The following XRCC1 variants were observed in gnomAD, a reference collection of about 807,000 sequenced individuals.
The protein encoded by XRCC1 is X-ray repair cross complementing 1, also known as DNA repair protein XRCC1.
Under a neutral mutation model 83.3 loss-of-function variants are expected in XRCC1, and 52 were observed. The observed-to-expected ratio is 0.62, with a 90% CI of 0.50 to 0.79. XRCC1 has a LOEUF of 0.79. Among genes scored for constraint, XRCC1 ranks in the 30% least tolerant of loss-of-function variants. The pLI is 0.00. For missense variants in XRCC1, 793 were observed against 823.5 expected (o/e 0.96, Z 0.45); for synonymous variants, 281 against 312.6 (o/e 0.90, Z 1.07).
At chr19:43,559,929 A>T (rs1972679731) in intron 3 of XRCC1, among the ~76,000 whole-genome samples, 3 of 151,850 alleles carry the variant, frequency 2.0e-5, no homozygotes, top group African/African-American at 7.3e-5. Flanking sequence ...AAAATAACAA[A>T]AGCTAGCCAG....
chr19:43,546,852 C>CA, intron 11 of XRCC1, 32 bp downstream of exon 11: 1 of 1,611,410 alleles, frequency 6.2e-7, no homozygotes, highest in Non-Finnish European at 8.5e-7. Flanking sequence ...CCTCCCACTA[C>CA]ACCCTCCCCC....
At position 43,545,870 on chromosome 19, in the gene XRCC1, C is replaced by G. The variant is rs374398701; in HGVS notation, c.1569G>C (p.Thr523=). 2.5e-5 allele frequency: 41 copies of G among 1,613,062 alleles called. No individual in the cohort carries two copies. Among genetic ancestry groups the G allele is most frequent in the Non-Finnish European group, 3.2e-5 (38 of 1,179,240 alleles). ...GAGGCTCCTGGTGTTCCTCACTGTC[C>G]GTGTTCTCATCCGTGGAGCCTGCAT... ...DPYAGSTDEN[T]DSEEHQEPPD... is the part of the protein sequence containing the mutation. The change falls in exon 14 of 17, where the codon ACG becomes ACC. Residue 523 remains threonine, a synonymous_variant. Coordinates refer to ENST00000262887, the MANE Select transcript of XRCC1 (RefSeq NM_006297.3).
In XRCC1 at chr19:43,553,455, T is replaced by G; in HGVS notation, c.547A>C (p.Asn183His). ...FRVKEEDESA[N>H]SLRPGALFFS... ...AAGAGAGCCCCCGGCCTCAGAGAGT[T>G]GGCGCTCTCATCCTCCTCCTTCACA... Residue 183 changes from asparagine (N) to histidine (H), a missense_variant, in exon 6 of 17, where the codon AAC (asparagine) becomes CAC (histidine). Asn to His is a moderately conservative substitution (Grantham distance 68). Coordinates refer to ENST00000262887, the MANE Select transcript of XRCC1 (RefSeq NM_006297.3). 6.2e-7 allele frequency: 1 copy of G among 1,614,150 alleles called. No homozygotes were observed.
At chr19:43,545,379 G>C (rs3213391) in intron 14 of XRCC1, among the ~76,000 whole-genome samples, 17,952 of 152,264 alleles carry the variant, frequency 0.12, 1,442 homozygotes, top group Non-Finnish European at 0.17. Context: ...TCCACGTCCA[G>C]AGTGATGGCT....
At chr19:43,573,198 T>G (rs1198374580) in intron 2 of XRCC1, among the ~76,000 whole-genome samples, 1 of 152,086 alleles carries the variant, frequency 6.6e-6, no homozygotes, top group African/African-American at 2.4e-5. Flanking sequence ...CCTCCCAACA[T>G]GAAAACTGAG....
In XRCC1 at chr19:43,552,784, CTAGT is replaced by C. The variant is rs1332340251; in HGVS notation, c.823+9_823+12del. 7 of 1,589,084 alleles carry C rather than the reference CTAGT, an allele frequency of 4.4e-6. No individual in the cohort carries two copies. Among genetic ancestry groups the C allele is most frequent in the Non-Finnish European group, 6.0e-6 (7 of 1,169,144 alleles). ...ACAGGCCCCTGTGGAAACAAGGGAT[CTAGT>C]TAGCTCACATTTAGGTCTCTTGGGA... is the stretch of plus-strand genomic sequence containing the variant. On this transcript the variant is annotated intron_variant, in intron 8 of 16. Transcript: ENST00000262887.
intron 2 of XRCC1, among the ~76,000 whole-genome samples, chr19:43,565,587 T>C (rs1972744074): frequency 6.6e-6 from 1 of 152,222 alleles, no homozygotes; most frequent in Non-Finnish European, 1.5e-5. Flanking sequence ...TCCTACTGCA[T>C]ATATAACTAT....
intron 2 of XRCC1, among the ~76,000 whole-genome samples, chr19:43,569,362 A>G (rs1167145049): frequency 6.6e-6 from 1 of 151,816 alleles, no homozygotes; most frequent in Non-Finnish European, 1.5e-5. Flanking sequence ...TGTAGTCCCA[A>G]CTACTGAGGA....
At chr19:43,544,086 C>G in intron 15 of XRCC1, 58 bp downstream of exon 15, 1 of 1,479,222 alleles carries the variant, frequency 6.8e-7, no homozygotes, top group East Asian at 2.4e-5. Flanking sequence ...CCCAGCAGGT[C>G]CCTGAGCGTT....
Position 43,546,870 on chromosome 19 carries a change from A to AG in XRCC1, c.1293+13dup. 1 of 1,613,514 alleles carries AG rather than the reference A, an allele frequency of 6.2e-7. No individual in the cohort carries two copies. Among genetic ancestry groups the AG allele is most frequent in the Admixed American group, 1.7e-5 (1 of 59,996 alleles). On this transcript the variant is annotated intron_variant, in intron 11 of 16. Transcript: ENST00000262887. ...CCCACTACACCCTCCCCCACTGGAC[A>AG]GGGGGCATCAGACCTTCTGAGGAAG...
At position 43,544,177 on chromosome 19, in the gene XRCC1, C is replaced by T. The variant is rs780632046; in HGVS notation, c.1679G>A (p.Arg560Gln). ...LYGEFPGDER[R>Q]KLIRYVTAFN... ...GGCTGTGACGTATCGGATGAGTTTC[C>T]GCCGCTCGTCCCCAGGGAACTCCCC... Residue 560 changes from arginine to glutamine, a missense_variant, in exon 15 of 17, where the codon CGG becomes CAG. By Grantham distance (43) the Arg-to-Gln change is conservative. Transcript: ENST00000262887. 40 of 1,610,558 alleles carry T rather than the reference C, an allele frequency of 2.5e-5. No individual in the cohort carries two copies. Among genetic ancestry groups the T allele is most frequent in the Admixed American group, 1.0e-4 (6 of 59,478 alleles).
At chr19:43,574,831 TG>T in intron 2 of XRCC1, 78 bp downstream of exon 2, 1 of 1,190,718 alleles carries the variant, frequency 8.4e-7, no homozygotes, top group Non-Finnish European at 1.3e-6. Context: ...CTAAACCCAC[TG>T]CCAGTTGGCT....
intron 8 of XRCC1, 21 bp from the exon 9 acceptor site, chr19:43,552,296 A>T (rs950685153): frequency 6.4e-7 from 1 of 1,553,852 alleles, no homozygotes; most frequent in Non-Finnish European, 8.7e-7. Flanking sequence ...CAAAGAGTAG[A>T]TTAGGTTAGC....
At chr19:43,551,989 C>T (rs189120307) in intron 9 of XRCC1, 28 bp downstream of exon 9, 21 of 1,608,902 alleles carry the variant, frequency 1.3e-5, no homozygotes, top group South Asian at 4.4e-5. Flanking sequence ...GAAACTGCAG[C>T]GGCGCAGGGA....
rs147282758 is a variant in XRCC1, at chr19:43,552,825, C to T, written c.795G>A (p.Leu265=). 3.8e-4 allele frequency: 617 copies of T among 1,612,418 alleles called. No individual in the cohort carries two copies. The highest frequency in any genetic ancestry group is 3.4e-4 in the Non-Finnish European group (405 of 1,179,412). ...TAGGTCTCTTGGGAACAGATGGCGA[C>T]AGCTGGGCTGGTGGTTTGCTGGGGG... The part of the protein sequence containing the change: ...KKTPSKPPAQ[L]SPSVPKRPKL... Residue 265 remains leucine, a synonymous_variant, in exon 8 of 17, where the codon CTG becomes CTA. Coordinates refer to ENST00000262887, the MANE Select transcript of XRCC1 (RefSeq NM_006297.3).
intron 15 of XRCC1, among the ~76,000 whole-genome samples, 157 bp from the exon 16 acceptor site, chr19:43,543,844 C>A (rs896004702): frequency 1.3e-5 from 2 of 152,168 alleles, no homozygotes; most frequent in Admixed American, 1.3e-4. Flanking sequence ...CATCTTGCCA[C>A]AGCCACAATG....
intron 10 of XRCC1, among the ~76,000 whole-genome samples, chr19:43,549,723 AT>A (rs1288177801): frequency 6.6e-6 from 1 of 151,008 alleles, no homozygotes; most frequent in Non-Finnish European, 1.5e-5. Flanking sequence ...CACCTGGATA[AT>A]TTTTTTCATG....
At chr19:43,547,157 G>T (rs1446822832) in intron 10 of XRCC1, among the ~76,000 whole-genome samples, 180 bp from the exon 11 acceptor site, 1 of 151,388 alleles carries the variant, frequency 6.6e-6, no homozygotes, top group Non-Finnish European at 1.5e-5. Flanking sequence ...CTGGCCACCT[G>T]CCCTGCAGAC....
chr19:43,543,621 G>C lies in XRCC1; in HGVS notation c.1779C>G (p.Ser593Arg), dbSNP rs148611340. ...CCTCTTTGGTACTCACCTCCTCAAAGCTGGGATCCCATTCCTGTGCTGTGA... is the reference window on the plus strand; with the variant it reads ...CCTCTTTGGTACTCACCTCCTCAAACCTGGGATCCCATTCCTGTGCTGTGA... ...FVITAQEWDP[S>R]FEEALMDNPS... Residue 593 changes from serine (S) to arginine (R), a missense_variant, in exon 16 of 17, where the codon AGC (serine) becomes AGG (arginine). Ser to Arg is a moderately radical substitution (Grantham distance 110). Transcript: ENST00000262887. The C allele has an allele frequency of 4.5e-5, 73 of 1,613,940 alleles. No homozygotes were observed. Among genetic ancestry groups the C allele is most frequent in the African/African-American group, 9.3e-5 (7 of 74,932 alleles).
Sources: gnomAD v4.1 joint callset for allele counts (sites outside exome capture counted in the v4.1 genomes callset) on GRCh38, gnomAD v4.1.1 for gene constraint, MANE v1.5 for transcripts, NCBI Gene and HGNC (gene_info 2026-07-23, HGNC 2026-07-21) for gene names.